The following ACOXL variants were observed in gnomAD, a reference collection of about 807,000 sequenced individuals.
ACOXL encodes the protein acyl-CoA oxidase like.
A neutral mutation model predicts 71.9 loss-of-function variants in ACOXL; 70 were observed. The observed-to-expected ratio is 0.97, with a 90% CI of 0.80 to 1.19. The LOEUF is 1.19. Among genes scored for constraint, ACOXL ranks in the 50% most tolerant of loss-of-function variants. The probability of loss-of-function intolerance (pLI) is 0.00; values close to 1 mark genes in which losing one functional copy is unlikely to be tolerated. For synonymous variants in ACOXL, 253 were observed against 281.6 expected (o/e 0.90, Z 1.02); for missense variants, 703 against 736.3 (o/e 0.95, Z 0.52).
At chr2:110,777,311 A>C (rs1682779899) in intron 2 of ACOXL, among the ~76,000 whole-genome samples, 1 of 152,172 alleles carries the variant, frequency 6.6e-6, no homozygotes, top group Non-Finnish European at 1.5e-5. Flanking sequence ...ACTGGAGAGA[A>C]GTGGCCATAG....
intron 16 of ACOXL, among the ~76,000 whole-genome samples, chr2:111,083,095 A>G (rs1206657612): frequency 6.6e-6 from 1 of 152,122 alleles, no homozygotes; most frequent in Non-Finnish European, 1.5e-5. Flanking sequence ...TGATGGGTTG[A>G]TGGGTTCAGC....
At chr2:110,920,617 T>G (rs138831050) in intron 11 of ACOXL, among the ~76,000 whole-genome samples, 1 of 152,272 alleles carries the variant, frequency 6.6e-6, no homozygotes, top group Non-Finnish European at 1.5e-5. Context: ...TGTCTTGAAA[T>G]TGGGTAGTGT....
chr2:111,069,896 T>C (rs1314367671), intron 16 of ACOXL, among the ~76,000 whole-genome samples: 1 of 152,016 alleles, frequency 6.6e-6, no homozygotes, highest in African/African-American at 2.4e-5. Flanking sequence ...TCCTTCCCAT[T>C]GGACATGGTA....
intron 14 of ACOXL, among the ~76,000 whole-genome samples, chr2:111,005,343 A>AG (rs2063824398): frequency 6.6e-6 from 1 of 152,200 alleles, no homozygotes; most frequent in Admixed American, 6.5e-5. Flanking sequence ...AATTCTTTGG[A>AG]AACAACTGCT....
intron 12 of ACOXL, among the ~76,000 whole-genome samples, chr2:110,984,781 G>GA (rs1158287041): frequency 2.6e-4 from 39 of 152,244 alleles, no homozygotes; most frequent in African/African-American, 8.4e-4. Context: ...TATTGGATGA[G>GA]ATAGGGAGAA....
At chr2:110,969,421 C>T (rs553794348) in intron 12 of ACOXL, among the ~76,000 whole-genome samples, 6 of 152,250 alleles carry the variant, frequency 3.9e-5, no homozygotes, top group African/African-American at 1.4e-4. Context: ...TGATAACACT[C>T]AAGCAAGATT....
intron 11 of ACOXL, among the ~76,000 whole-genome samples, chr2:110,926,470 G>A (rs2060274149): frequency 6.6e-6 from 1 of 152,122 alleles, no homozygotes; most frequent in Non-Finnish European, 1.5e-5. Context: ...CCTACTTTGA[G>A]GGTCCTAATC....
intron 9 of ACOXL, among the ~76,000 whole-genome samples, chr2:110,814,365 G>A (rs1268266519): frequency 6.6e-6 from 1 of 151,998 alleles, no homozygotes; most frequent in Admixed American, 6.6e-5. Flanking sequence ...TTTCATTGAT[G>A]ACTTTTTATG....
chr2:110,983,482 G>T (rs72946205), intron 12 of ACOXL, among the ~76,000 whole-genome samples: 79 of 152,256 alleles, frequency 5.2e-4, no homozygotes, highest in African/African-American at 1.9e-3. Flanking sequence ...AAAAGACATG[G>T]ATGTTTTGAC....
At chr2:111,095,871 A>AT (rs1376500044) in intron 17 of ACOXL, among the ~76,000 whole-genome samples, 2 of 152,210 alleles carry the variant, frequency 1.3e-5, no homozygotes, top group Non-Finnish European at 2.9e-5. Context: ...CTGAGTACTC[A>AT]TCCCATTTGC....
At chr2:111,078,155 C>T (rs1268163735) in intron 16 of ACOXL, among the ~76,000 whole-genome samples, 1 of 142,048 alleles carries the variant, frequency 7.0e-6, no homozygotes, top group Non-Finnish European at 1.6e-5. Flanking sequence ...TTCTAGTTTA[C>T]TCAGTCTTTC....
chr2:111,067,882 G>T (rs17041842), intron 16 of ACOXL, among the ~76,000 whole-genome samples: 29,921 of 152,150 alleles, frequency 0.2, 3,487 homozygotes, highest in East Asian at 0.45. Context: ...AATTGGGAGT[G>T]CGGGGAAGAT....
Position 110,772,547 on chromosome 2 carries a change from C to T in ACOXL, c.75+4083C>T, listed in dbSNP as rs111992165. 3.5e-4 allele frequency among the ~76,000 whole-genome samples: 53 copies of T among 152,270 alleles called. 1 individual carries two copies. The highest frequency in any genetic ancestry group is 1.3e-3 in the African/African-American group (52 of 41,552). ...CAGCTGGGATCAGGCTTCTTTCAGC[C>T]AAGTGTAGTGTGGGTTGGGGACAGA... On this transcript the variant is annotated intron_variant, in intron 2 of 17. Coordinates refer to ENST00000439055, the MANE Select transcript of ACOXL (RefSeq NM_001142807.4).
intron 10 of ACOXL, among the ~76,000 whole-genome samples, chr2:110,894,600 G>A (rs1261592868): frequency 6.6e-6 from 1 of 152,104 alleles, no homozygotes; most frequent in Non-Finnish European, 1.5e-5. Context: ...TGGTATCCCT[G>A]CCCTGCTAGG....
chr2:111,091,630 A>C (rs2068528786), intron 16 of ACOXL, among the ~76,000 whole-genome samples: 1 of 152,210 alleles, frequency 6.6e-6, no homozygotes, highest in African/African-American at 2.4e-5. Context: ...TGCTCACACT[A>C]TCTGAAGGGT....
chr2:111,115,403 T>A lies in ACOXL; in HGVS notation c.1543-2213T>A, dbSNP rs778354849. On this transcript the variant is annotated intron_variant, in intron 17 of 17. Coordinates refer to ENST00000439055, the MANE Select transcript of ACOXL (RefSeq NM_001142807.4). ...TTGTATTAAAGAGATCATATATTTTTAAAAATTTTTAAAACGCCTCAACAG... is the reference window on the plus strand; with the variant it reads ...TTGTATTAAAGAGATCATATATTTTAAAAAATTTTTAAAACGCCTCAACAG... 2.5e-4 allele frequency: 38 copies of A among 152,350 alleles called. 1 individual carries two copies. Among genetic ancestry groups the A allele is most frequent in the African/African-American group, 5.5e-4 (23 of 41,580 alleles). The allele number at this position is 152,350 out of a possible 1,614,324, so 9.4% of individuals were successfully genotyped here. A position where few individuals can be genotyped will look rare whatever the true frequency, so the allele number is the denominator to read the frequency against.
intron 16 of ACOXL, among the ~76,000 whole-genome samples, chr2:111,089,206 A>C (rs1434800870): frequency 6.6e-6 from 1 of 152,212 alleles, no homozygotes; most frequent in Non-Finnish European, 1.5e-5. Flanking sequence ...AGGCTGAGAA[A>C]GGAGAATCGC....
intron 1 of ACOXL, among the ~76,000 whole-genome samples, chr2:110,740,054 C>A (rs540200753): frequency 6.6e-6 from 1 of 152,274 alleles, no homozygotes; most frequent in South Asian, 2.1e-4. Context: ...AACAATTGTA[C>A]CAAATTTAAT....
At chr2:111,011,155 A>G (rs75213955) in intron 14 of ACOXL, among the ~76,000 whole-genome samples, 140 of 152,332 alleles carry the variant, frequency 9.2e-4, no homozygotes, top group African/African-American at 3.3e-3. Flanking sequence ...ATAATGTAAA[A>G]GATAGGTTGT....
Sources: allele counts gnomAD v4.1 joint callset (sites outside exome capture counted in the v4.1 genomes callset), GRCh38; gene constraint gnomAD v4.1.1; transcripts MANE v1.5; gene names NCBI Gene and HGNC (gene_info 2026-07-23, HGNC 2026-07-21).